The following CHN1 variants were observed in gnomAD, a reference collection of about 807,000 sequenced individuals.
CHN1 encodes chimerin 1.
A neutral mutation model predicts 59.5 loss-of-function variants in CHN1; 37 were observed. The ratio of observed to expected loss-of-function variants is 0.62; its 90% CI spans 0.48 to 0.82. CHN1 has a LOEUF of 0.82. Ranked by LOEUF, CHN1 falls within the 40% of genes least tolerant of loss-of-function variation. The pLI, the probability that CHN1 is intolerant of heterozygous loss-of-function variation, is 0.00. For synonymous variants in CHN1, 206 were observed against 200.4 expected (o/e 1.03, Z -0.24); for missense variants, 469 against 571.0 (o/e 0.82, Z 1.82).
Position 174,962,256 on chromosome 2 carries a change from G to T in CHN1, c.20-10054C>A, listed in dbSNP as rs147596766. On this transcript the variant is annotated intron_variant, in intron 1 of 12. Coordinates refer to ENST00000409900, the MANE Select transcript of CHN1 (RefSeq NM_001822.7). Reference sequence around the variant, plus strand: ...GCCGAGATCACGCCACTGCATTCCAGCCTGGGCAACAGACCAAGACTCTGT... The same window carrying T: ...GCCGAGATCACGCCACTGCATTCCATCCTGGGCAACAGACCAAGACTCTGT... 3.7e-3 allele frequency among the ~76,000 whole-genome samples: 570 copies of T among 152,280 alleles called. 4 individuals are homozygous for T. The highest frequency in any genetic ancestry group is 0.013 in the African/African-American group (546 of 41,566).
rs1284156991 is a variant in CHN1 at position 174,842,970 on chromosome 2, C to T, written c.627+3910G>A. 2.0e-5 allele frequency among the ~76,000 whole-genome samples: 3 copies of T among 152,100 alleles called. 1 individual carries two copies. Among genetic ancestry groups the T allele is most frequent in the African/African-American group, 7.2e-5 (3 of 41,414 alleles). On this transcript the variant is annotated intron_variant, in intron 7 of 12. Transcript: ENST00000409900. ...AAAATCAACAACTAATTCAAGACTA[C>T]CTTAAAAAATTAAACTCATATTTTT... is the stretch of plus-strand genomic sequence containing the variant.
intron 5 of CHN1, among the ~76,000 whole-genome samples, chr2:174,897,816 TA>T (rs913118712): frequency 1.9e-4 from 29 of 151,686 alleles, no homozygotes; most frequent in Non-Finnish European, 1.9e-4. Context: ...GGACTATTAA[TA>T]AAAAAAGGCC....
intron 3 of CHN1, among the ~76,000 whole-genome samples, chr2:174,941,865 C>T (rs1689676094): frequency 6.6e-6 from 1 of 151,964 alleles, no homozygotes; most frequent in South Asian, 2.1e-4. Context: ...TGAGTTTGTA[C>T]AGTCAGAATA....
chr2:174,861,651 C>T (rs1204281309), intron 6 of CHN1, among the ~76,000 whole-genome samples: 1 of 152,036 alleles, frequency 6.6e-6, no homozygotes, highest in Non-Finnish European at 1.5e-5. Flanking sequence ...ATTTGGCAGT[C>T]AAAATGTATG....
chr2:174,950,262 T>A (rs986747096), intron 2 of CHN1, among the ~76,000 whole-genome samples: 1 of 151,650 alleles, frequency 6.6e-6, no homozygotes, highest in Non-Finnish European at 1.5e-5. Context: ...TTTTTTTTTT[T>A]AATGTCTTTT....
chr2:174,806,948 T>A (rs995659309), intron 11 of CHN1, among the ~76,000 whole-genome samples: 1 of 152,234 alleles, frequency 6.6e-6, no homozygotes, highest in African/African-American at 2.4e-5. Flanking sequence ...GTGTCATTCA[T>A]AAATCAGACA....
intron 1 of CHN1, 93 bp from the exon 2 acceptor site, chr2:174,952,295 G>T: frequency 1.3e-6 from 1 of 798,478 alleles, no homozygotes; most frequent in Non-Finnish European, 1.9e-6. Flanking sequence ...TATCTGTTGA[G>T]ATCTATTTGT....
At chr2:174,926,297 G>C (rs1445898974) in intron 3 of CHN1, among the ~76,000 whole-genome samples, 3 of 151,794 alleles carry the variant, frequency 2.0e-5, no homozygotes, top group South Asian at 2.1e-4. Flanking sequence ...AAATTCTGGG[G>C]CTCAAGCAAT....
intron 7 of CHN1, among the ~76,000 whole-genome samples, chr2:174,835,641 A>G (rs1369849045): frequency 6.7e-6 from 1 of 149,806 alleles, no homozygotes; most frequent in Non-Finnish European, 1.5e-5. Flanking sequence ...CTGGTTTACC[A>G]ATCTTTTCTT....
intron 8 of CHN1, among the ~76,000 whole-genome samples, chr2:174,815,449 A>G (rs892754484): frequency 3.3e-5 from 5 of 152,136 alleles, no homozygotes; most frequent in African/African-American, 1.2e-4. Flanking sequence ...ACTTATCTTC[A>G]CTTCAAGTTC....
chr2:174,817,076 CACA>C (rs1457024221), intron 8 of CHN1, among the ~76,000 whole-genome samples: 1 of 152,158 alleles, frequency 6.6e-6, no homozygotes, highest in Non-Finnish European at 1.5e-5. Context: ...CCCACTGGGT[CACA>C]CATACCACTT....
chr2:174,914,842 CAAA>C (rs577375465), intron 5 of CHN1, among the ~76,000 whole-genome samples: 1 of 100,080 alleles, frequency 1.0e-5, no homozygotes, highest in Non-Finnish European at 2.0e-5. Context: ...AGATTCCATT[CAAA>C]AAAAAAAAAA....
chr2:174,822,910 G>A (rs762390401), intron 8 of CHN1, among the ~76,000 whole-genome samples: 1 of 152,194 alleles, frequency 6.6e-6, no homozygotes, highest in Non-Finnish European at 1.5e-5. Context: ...CACACGTGTA[G>A]GATTCTTATC....
At chr2:174,920,650 A>G (rs1045432654) in intron 3 of CHN1, among the ~76,000 whole-genome samples, 1 of 152,148 alleles carries the variant, frequency 6.6e-6, no homozygotes, top group African/African-American at 2.4e-5. Context: ...TGATATAGTT[A>G]CTCACAGCAT....
At chr2:174,997,686 G>A (rs1181950416) in intron 1 of CHN1, among the ~76,000 whole-genome samples, 1 of 152,076 alleles carries the variant, frequency 6.6e-6, no homozygotes, top group African/African-American at 2.4e-5. Context: ...ATCTTTACCA[G>A]AGTAACTTCA....
intron 8 of CHN1, among the ~76,000 whole-genome samples, chr2:174,813,292 A>T (rs891247043): frequency 1.4e-4 from 22 of 152,214 alleles, no homozygotes; most frequent in Admixed American, 1.4e-3. Flanking sequence ...GTTTAATTAC[A>T]AAGGATATAG....
intron 3 of CHN1, among the ~76,000 whole-genome samples, chr2:174,936,882 A>G (rs767019598): frequency 1.8e-4 from 28 of 152,180 alleles, no homozygotes; most frequent in Non-Finnish European, 3.1e-4. Context: ...CCTGCCTAAA[A>G]TAATTAGTTG....
At chr2:174,846,512 G>GAAAC (rs1686521607) in intron 7 of CHN1, 1 of 1,397,014 alleles carries the variant, frequency 7.2e-7, no homozygotes, top group African/African-American at 1.5e-5. Context: ...CTTTTTACCA[G>GAAAC]AAACACAGAT....
intron 3 of CHN1, among the ~76,000 whole-genome samples, chr2:174,930,695 T>C (rs1337108394): frequency 1.3e-5 from 2 of 152,062 alleles, no homozygotes; most frequent in Non-Finnish European, 2.9e-5. Flanking sequence ...CTGTTTCTGG[T>C]ATGAAAAAGT....
Sources: allele counts gnomAD v4.1 joint callset (sites outside exome capture counted in the v4.1 genomes callset), GRCh38; gene constraint gnomAD v4.1.1; transcripts MANE v1.5; gene names NCBI Gene and HGNC (gene_info 2026-07-23, HGNC 2026-07-21).